The following RANBP2 variants were observed in gnomAD, a reference collection of about 807,000 sequenced individuals.
RANBP2 encodes RAN binding protein 2.
RANBP2 carries 57 observed loss-of-function variants against 303.6 expected under a neutral mutation model. The observed-to-expected ratio is 0.19, with a 90% CI of 0.15 to 0.23. RANBP2 has a LOEUF of 0.23. RANBP2 is among the 10% of genes least tolerant of loss of function. RANBP2 has a pLI of 1.00. For missense variants in RANBP2, 3,138 were observed against 3,780.8 expected, an observed-to-expected ratio of 0.83 and a Z score of 4.46; for synonymous variants, 1,167 against 1,301.5, an observed-to-expected ratio of 0.90 and a Z score of 2.23.
the RANBP2 span, among the ~76,000 whole-genome samples, chr2:109,034,270 CAAAAAAAAA>C: frequency 8.1e-4 from 31 of 38,112 alleles, no homozygotes; most frequent in African/African-American, 3.0e-3. Context: ...GACTCCATCT[CAAAAAAAAA>C]AAAAAAAAAA....
chr2:109,191,797 C>T, the RANBP2 span, among the ~76,000 whole-genome samples: 2 of 152,154 alleles, frequency 1.3e-5, no homozygotes, highest in Admixed American at 6.5e-5. Flanking sequence ...GGGCAAAGTC[C>T]CCAGGTTGGG....
the RANBP2 span, among the ~76,000 whole-genome samples, chr2:109,691,907 C>T: frequency 1.3e-5 from 2 of 151,752 alleles, no homozygotes; most frequent in Admixed American, 6.6e-5. Context: ...CTCAGCCTCC[C>T]GAGTAGCTGG....
the RANBP2 span, among the ~76,000 whole-genome samples, chr2:108,976,590 T>C: frequency 3.3e-5 from 5 of 152,368 alleles, no homozygotes; most frequent in African/African-American, 1.2e-4. Context: ...CTGGAGTTCC[T>C]CTGCACGGGA....
chr2:108,736,062 T>C lies in RANBP2; in HGVS notation c.637-42T>C, dbSNP rs543531209. On this transcript the variant is annotated intron_variant, in intron 5 of 28. Coordinates refer to ENST00000283195, the MANE Select transcript of RANBP2 (RefSeq NM_006267.5). ...GCTTAAAATGATTAATTTCTTAACA[T>C]TTGATTAAGTTTTGTAACTTACTGT... 1.1e-4 allele frequency: 175 copies of C among 1,611,676 alleles called. No individual in the cohort carries two copies. The South Asian group carries it at 1.7e-3, about 16-fold the overall frequency.
chr2:108,804,565 C>T, the RANBP2 span, among the ~76,000 whole-genome samples: 1 of 152,030 alleles, frequency 6.6e-6, no homozygotes, highest in South Asian at 2.1e-4. Flanking sequence ...TTTTATTATT[C>T]CATGATGTCA....
chr2:109,614,463 G>C, the RANBP2 span: 4 of 1,213,622 alleles, frequency 3.3e-6, no homozygotes, highest in Non-Finnish European at 4.1e-6. Flanking sequence ...TGAGCCGCCC[G>C]CTGGCGGGGG....
At chr2:109,128,960 T>C in the RANBP2 span, 1 of 418,698 alleles carries the variant, frequency 2.4e-6, no homozygotes, top group South Asian at 1.7e-5. Flanking sequence ...GCAGTGACCG[T>C]GACCTCCGCG....
the RANBP2 span, among the ~76,000 whole-genome samples, chr2:108,959,771 G>T: frequency 1.3e-5 from 2 of 152,228 alleles, no homozygotes. Context: ...TTGATGAGGA[G>T]TGCTGGCTGA....
chr2:109,001,025 G>C, the RANBP2 span, among the ~76,000 whole-genome samples: 1 of 152,180 alleles, frequency 6.6e-6, no homozygotes, highest in Non-Finnish European at 1.5e-5. Context: ...GTAAAGAGCA[G>C]ATCAGAGAAC....
At chr2:109,193,694 C>G in the RANBP2 span, among the ~76,000 whole-genome samples, 3 of 152,188 alleles carry the variant, frequency 2.0e-5, 1 homozygote, top group South Asian at 4.1e-4. Context: ...TAATGATGGT[C>G]TAGAAAGATC....
the RANBP2 span, among the ~76,000 whole-genome samples, chr2:109,471,094 C>T: frequency 6.6e-6 from 1 of 151,588 alleles, no homozygotes; most frequent in African/African-American, 2.4e-5. Flanking sequence ...TTGGCAGGTG[C>T]CTCTAATCCC....
At chr2:109,615,970 C>G in the RANBP2 span, 1 of 1,573,896 alleles carries the variant, frequency 6.4e-7, no homozygotes, top group East Asian at 2.2e-5. Context: ...CCAGAGCAGC[C>G]GCTGGAGGGC....
chr2:109,077,589 A>G, the RANBP2 span, among the ~76,000 whole-genome samples: 5 of 150,594 alleles, frequency 3.3e-5, 1 homozygote, highest in Non-Finnish European at 7.4e-5. Flanking sequence ...AAAATATATT[A>G]GGTACACATA....
the RANBP2 span, among the ~76,000 whole-genome samples, chr2:109,155,543 C>T: frequency 1.3e-5 from 2 of 152,246 alleles, no homozygotes; most frequent in South Asian, 2.1e-4. Flanking sequence ...CCTCGTGATC[C>T]GCCTGCCTCA....
At chr2:109,521,122 G>T in the RANBP2 span, among the ~76,000 whole-genome samples, 3 of 151,880 alleles carry the variant, frequency 2.0e-5, no homozygotes, top group Admixed American at 2.0e-4. Context: ...AGAGGCTGAG[G>T]CAGGAGAATG....
chr2:108,845,571 AT>A, the RANBP2 span, among the ~76,000 whole-genome samples: 93,370 of 111,608 alleles, frequency 0.84, 38,372 homozygotes, highest in East Asian at 0.88. Flanking sequence ...CTTTCATTTG[AT>A]TTTTTTTTTT....
chr2:108,883,609 G>A, the RANBP2 span: 6 of 152,240 alleles, frequency 3.9e-5, no homozygotes, highest in Non-Finnish European at 8.8e-5. Flanking sequence ...TCACTGGCTG[G>A]GCTGGAATCT....
chr2:108,809,702 T>G, the RANBP2 span, among the ~76,000 whole-genome samples: 1 of 152,206 alleles, frequency 6.6e-6, no homozygotes, highest in African/African-American at 2.4e-5. Flanking sequence ...TTTACCAAAT[T>G]TATCAGTTCT....
the RANBP2 span, among the ~76,000 whole-genome samples, chr2:109,597,691 A>G: frequency 1.3e-5 from 2 of 152,370 alleles, no homozygotes; most frequent in African/African-American, 4.8e-5. Flanking sequence ...AATCCCATAC[A>G]GTAACTTAAC....
Sources: gnomAD v4.1 joint callset for allele counts (sites outside exome capture counted in the v4.1 genomes callset) on GRCh38, gnomAD v4.1.1 for gene constraint, MANE v1.5 for transcripts, NCBI Gene and HGNC (gene_info 2026-07-23, HGNC 2026-07-21) for gene names.